ELAVL4: variants seen among roughly 807,000 people sequenced by gnomAD.
ELAVL4 encodes ELAV like RNA binding protein 4.
Under a neutral mutation model 35.6 loss-of-function variants are expected in ELAVL4, and 1 was observed. The observed-to-expected ratio is 0.03, with a 90% CI of 0.01 to 0.13. The LOEUF (loss-of-function observed/expected upper bound fraction) is 0.13. Among genes scored for constraint, ELAVL4 ranks in the 10% least tolerant of loss-of-function variants. ELAVL4 has a pLI of 1.00. For missense variants in ELAVL4, 267 were observed against 464.9 expected, an observed-to-expected ratio of 0.57 and a Z score of 3.91; for synonymous variants, 156 against 171.0, an observed-to-expected ratio of 0.91 and a Z score of 0.69.
chr1:50,072,737 T>C (rs1664587707), intron 1 of ELAVL4, among the ~76,000 whole-genome samples: 1 of 152,220 alleles, frequency 6.6e-6, no homozygotes, highest in Non-Finnish European at 1.5e-5. Context: ...TGCCAGACAT[T>C]GTGCTTAATC....
intron 1 of ELAVL4, among the ~76,000 whole-genome samples, chr1:50,072,954 G>A (rs963347522): frequency 6.6e-6 from 1 of 152,178 alleles, no homozygotes; most frequent in Non-Finnish European, 1.5e-5. Context: ...TTTGGGAGGA[G>A]AGACAACCCT....
intron 1 of ELAVL4, among the ~76,000 whole-genome samples, chr1:50,135,752 A>G (rs539651109): frequency 6.6e-6 from 1 of 152,276 alleles, no homozygotes; most frequent in African/African-American, 2.4e-5. Flanking sequence ...TCTTGGATGG[A>G]ATTAAATATT....
chr1:50,106,033 T>G, upstream of ELAVL4: 1 of 363,524 alleles, frequency 2.8e-6, no homozygotes, highest in Non-Finnish European at 4.9e-6. Flanking sequence ...AAGGATTCCT[T>G]TTTTTCCGCC....
intron 3 of ELAVL4, among the ~76,000 whole-genome samples, chr1:50,182,001 C>A (rs531372143): frequency 6.6e-6 from 1 of 152,148 alleles, no homozygotes; most frequent in Non-Finnish European, 1.5e-5. Context: ...TTTTAAAAGT[C>A]GTCTCCAATA....
At chr1:50,195,935 T>G (rs1644030758) in intron 5 of ELAVL4, 149 bp downstream of exon 5, 1 of 870,154 alleles carries the variant, frequency 1.1e-6, no homozygotes, top group African/African-American at 1.7e-5. Context: ...AGCCTCAGTT[T>G]CCATTCCTGT....
intron 1 of ELAVL4, among the ~76,000 whole-genome samples, chr1:50,088,774 G>A (rs1247841587): frequency 6.6e-6 from 1 of 152,112 alleles, no homozygotes; most frequent in Non-Finnish European, 1.5e-5. Context: ...CTAGAAGCCA[G>A]GAAACAAGAA....
intron 2 of ELAVL4, among the ~76,000 whole-genome samples, chr1:50,156,016 T>C (rs1343713275): frequency 6.7e-6 from 1 of 150,228 alleles, no homozygotes; most frequent in Non-Finnish European, 1.5e-5. Flanking sequence ...GGCATGCATG[T>C]GCGTGCACAG....
rs915813748 is a variant in ELAVL4 at position 50,202,924 on chromosome 1, A to G, written c.*1746A>G. The G allele has an allele frequency of 6.6e-6, 1 of 152,200 alleles. No individual in the cohort carries two copies. Among genetic ancestry groups the G allele is most frequent in the Non-Finnish European group, 1.5e-5 (1 of 68,018 alleles). The allele number at this position is 152,200 out of a possible 1,614,324, so 9.4% of individuals were successfully genotyped here. A position where few individuals can be genotyped will look rare whatever the true frequency, so the allele number is the denominator to read the frequency against. ...ATTTTAATGTAACTCAGATTGGGGA[A>G]AACAAAACAGAGCTAAGGGAACAAA... is the stretch of plus-strand genomic sequence containing the variant. On this transcript the variant is annotated 3_prime_UTR_variant, in exon 7 of 7. Coordinates refer to ENST00000371824, the MANE Select transcript of ELAVL4 (RefSeq NM_001144774.3).
intron 5 of ELAVL4, among the ~76,000 whole-genome samples, chr1:50,196,326 G>A (rs1409442379): frequency 6.6e-6 from 1 of 152,186 alleles, no homozygotes; most frequent in Admixed American, 6.5e-5. Context: ...GTCCAAGCCT[G>A]ATTAGTGTTT....
At chr1:50,194,610 C>T (rs1350363269) in intron 4 of ELAVL4, among the ~76,000 whole-genome samples, 2 of 152,230 alleles carry the variant, frequency 1.3e-5, no homozygotes, top group Non-Finnish European at 2.9e-5. Context: ...CAGAAGTCTG[C>T]TCTGCCCTAG....
chr1:50,086,883 G>A (rs193009853), intron 1 of ELAVL4, among the ~76,000 whole-genome samples: 4 of 151,938 alleles, frequency 2.6e-5, no homozygotes, highest in Non-Finnish European at 4.4e-5. Flanking sequence ...GCATTCTCTC[G>A]GGGACTCTGC....
At chr1:50,145,391 T>C (rs746304591) in intron 2 of ELAVL4, among the ~76,000 whole-genome samples, 194 bp downstream of exon 2, 2 of 152,218 alleles carry the variant, frequency 1.3e-5, no homozygotes, top group Non-Finnish European at 2.9e-5. Flanking sequence ...GGGGAGCAGA[T>C]GAAGATTTTG....
chr1:50,126,096 T>G (rs1669865284), intron 1 of ELAVL4, among the ~76,000 whole-genome samples: 1 of 152,112 alleles, frequency 6.6e-6, no homozygotes, highest in Non-Finnish European at 1.5e-5. Flanking sequence ...GTGTGCATTT[T>G]AGGTATTGGT....
intron 1 of ELAVL4, among the ~76,000 whole-genome samples, chr1:50,094,239 C>T (rs779956554): frequency 1.3e-5 from 2 of 152,194 alleles, no homozygotes; most frequent in African/African-American, 4.8e-5. Flanking sequence ...GTGGGACAGA[C>T]ATGCAAAAGA....
At chr1:50,085,111 A>G (rs6588374) in intron 1 of ELAVL4, among the ~76,000 whole-genome samples, 92,310 of 152,010 alleles carry the variant, frequency 0.61, 28,696 homozygotes, top group Non-Finnish European at 0.67. Context: ...GTATACAACT[A>G]TAAGCACTGT....
At chr1:50,189,303 A>G (rs779774470) in intron 3 of ELAVL4, among the ~76,000 whole-genome samples, 7 of 152,212 alleles carry the variant, frequency 4.6e-5, no homozygotes, top group Non-Finnish European at 7.3e-5. Flanking sequence ...CCTGTGTATG[A>G]ACAGGTAAAG....
intron 2 of ELAVL4, among the ~76,000 whole-genome samples, chr1:50,154,752 T>TTGTGTG (rs35896145): frequency 5.8e-4 from 86 of 147,328 alleles, no homozygotes; most frequent in African/African-American, 8.5e-4. Flanking sequence ...TTGTTATATT[T>TTGTGTG]TGTGTGTGTG....
intron 1 of ELAVL4, among the ~76,000 whole-genome samples, chr1:50,077,214 G>A (rs1664803267): frequency 6.6e-6 from 1 of 152,116 alleles, no homozygotes; most frequent in African/African-American, 2.4e-5. Context: ...GAGACATATA[G>A]GGAATTGGCT....
At chr1:50,143,182 G>T (rs1309949773) in intron 1 of ELAVL4, among the ~76,000 whole-genome samples, 1 of 152,188 alleles carries the variant, frequency 6.6e-6, no homozygotes, top group East Asian at 1.9e-4. Context: ...TAATTACCCA[G>T]TTGTGAATTG....
Sources: allele counts gnomAD v4.1 joint callset (sites outside exome capture counted in the v4.1 genomes callset), GRCh38; gene constraint gnomAD v4.1.1; transcripts MANE v1.5; gene names NCBI Gene and HGNC (gene_info 2026-07-23, HGNC 2026-07-21).